RBFOX1: variants seen among roughly 807,000 people sequenced by gnomAD.
The protein encoded by RBFOX1 is RNA binding fox-1 homolog 1.
Under a neutral mutation model 57.7 loss-of-function variants are expected in RBFOX1, and 8 were observed. The ratio of observed to expected loss-of-function variants is 0.14; its 90% CI spans 0.08 to 0.25. The LOEUF (loss-of-function observed/expected upper bound fraction) is 0.25. Ranked by LOEUF, RBFOX1 falls within the 10% of genes least tolerant of loss-of-function variation. The pLI is 1.00. For synonymous variants in RBFOX1, 326 were observed against 222.4 expected, an observed-to-expected ratio of 1.47 and a Z score of -4.15; for missense variants, 611 against 548.5, an observed-to-expected ratio of 1.11 and a Z score of -1.14.
chr16:7,278,977 A>T (rs2095492026), intron 4 of RBFOX1, among the ~76,000 whole-genome samples: 1 of 151,940 alleles, frequency 6.6e-6, no homozygotes, highest in South Asian at 2.1e-4. Flanking sequence ...CTTAAAAAAT[A>T]TTTGATTATA....
At chr16:6,271,874 T>A (rs565945019) in intron 1 of RBFOX1, among the ~76,000 whole-genome samples, 1 of 152,230 alleles carries the variant, frequency 6.6e-6, no homozygotes, top group South Asian at 2.1e-4. Flanking sequence ...AGATTTAGAA[T>A]GAAGCATTAA....
chr16:7,218,903 C>T (rs1375240349), intron 4 of RBFOX1, among the ~76,000 whole-genome samples: 1 of 152,080 alleles, frequency 6.6e-6, no homozygotes, highest in East Asian at 1.9e-4. Context: ...TTAGCATGTT[C>T]AGCACAATCT....
chr16:6,249,731 G>A (rs1203660097), intron 1 of RBFOX1, among the ~76,000 whole-genome samples: 2 of 151,798 alleles, frequency 1.3e-5, no homozygotes, highest in Admixed American at 1.3e-4. Flanking sequence ...GAAAACACTG[G>A]GAAGGTTGAA....
intron 4 of RBFOX1, among the ~76,000 whole-genome samples, chr16:7,406,505 C>A (rs571353375): frequency 2.6e-5 from 4 of 152,080 alleles, no homozygotes; most frequent in Non-Finnish European, 5.9e-5. Context: ...AACCTACTTT[C>A]GAATCTTGCT....
chr16:6,454,482 G>C (rs191835294), intron 2 of RBFOX1, among the ~76,000 whole-genome samples: 2 of 152,070 alleles, frequency 1.3e-5, no homozygotes, highest in Non-Finnish European at 2.9e-5. Context: ...ACCTGAGCCT[G>C]GGGAGATCAA....
chr16:7,366,921 T>C (rs920860287), intron 4 of RBFOX1, among the ~76,000 whole-genome samples: 1 of 152,204 alleles, frequency 6.6e-6, no homozygotes, highest in Non-Finnish European at 1.5e-5. Context: ...ATCATTTAAT[T>C]TTGAGCATGT....
At chr16:5,926,897 C>A (rs1567156321) in intron 4 of RBFOX1, among the ~76,000 whole-genome samples, 1 of 152,164 alleles carries the variant, frequency 6.6e-6, no homozygotes, top group South Asian at 2.1e-4. Flanking sequence ...AGAGGAGGAA[C>A]TGAAGTTTAT....
chr16:7,271,166 A>C (rs956184337), intron 4 of RBFOX1, among the ~76,000 whole-genome samples: 3 of 152,168 alleles, frequency 2.0e-5, no homozygotes, highest in Admixed American at 6.5e-5. Flanking sequence ...CCATATTCTT[A>C]GTGTCCTTTT....
intron 2 of RBFOX1, among the ~76,000 whole-genome samples, chr16:6,565,110 G>A (rs2153933190): frequency 6.9e-6 from 1 of 144,248 alleles, no homozygotes; most frequent in East Asian, 2.1e-4. Flanking sequence ...CAGCCTGGGT[G>A]GGGAGACTCT....
chr16:5,312,380 A>C (rs2064114843), intron 1 of RBFOX1, among the ~76,000 whole-genome samples: 1 of 152,146 alleles, frequency 6.6e-6, no homozygotes, highest in African/African-American at 2.4e-5. Context: ...GTGCAGTGGC[A>C]CGTTCGTGGC....
At chr16:6,206,999 T>TTC (rs3064932) in intron 1 of RBFOX1, among the ~76,000 whole-genome samples, 1 of 151,332 alleles carries the variant, frequency 6.6e-6, no homozygotes, top group Non-Finnish European at 1.5e-5. Context: ...TTTTTTTTTT[T>TTC]CAGGTGCACT....
intron 4 of RBFOX1, among the ~76,000 whole-genome samples, chr16:5,996,544 G>A (rs2060493835): frequency 6.6e-6 from 1 of 151,868 alleles, no homozygotes; most frequent in African/African-American, 2.4e-5. Flanking sequence ...CTCAAATTAG[G>A]TAACTTGTAA....
At chr16:5,990,633 G>T (rs8048361) in intron 4 of RBFOX1, among the ~76,000 whole-genome samples, 1 of 152,056 alleles carries the variant, frequency 6.6e-6, no homozygotes, top group Non-Finnish European at 1.5e-5. Flanking sequence ...AAATAGTTGC[G>T]GTGTATGGGG....
In RBFOX1 at chr16:6,165,064, C is replaced by T. The variant is rs551856204; in HGVS notation, c.-127+145072C>T. On this transcript the variant is annotated intron_variant, in intron 1 of 15. Transcript: ENST00000550418. Reference sequence around the variant, plus strand: ...GCATTTGGATTCTGATTCTTTGAGGCGTGATTATGGTTTTGTCATTCACAG... The same window carrying T: ...GCATTTGGATTCTGATTCTTTGAGGTGTGATTATGGTTTTGTCATTCACAG... 8.5e-5 allele frequency among the ~76,000 whole-genome samples: 13 copies of T among 152,076 alleles called. No homozygotes were observed. In the East Asian group the frequency reaches 1.5e-3, roughly 18 times the overall value.
Position 7,710,565 on chromosome 16 carries a change from T to C in RBFOX1, c.1072-58T>C. On this transcript the variant is annotated intron_variant, in intron 15 of 15. Transcript: ENST00000550418. The stretch of plus-strand genomic sequence containing the variant: ...TTTTTCACATTAGTCTTTTTGATGA[T>C]CCACATGTTGCAAAAGGAAAATGTA... 4 of 1,607,122 alleles carry C rather than the reference T, an allele frequency of 2.5e-6. No individual in the cohort carries two copies. The African/African-American group carries it at 5.4e-5, about 22-fold the overall frequency.
chr16:6,991,653 C>T (rs187283663), intron 3 of RBFOX1, among the ~76,000 whole-genome samples: 1 of 152,146 alleles, frequency 6.6e-6, no homozygotes, highest in Non-Finnish European at 1.5e-5. Context: ...CCTCCTACCT[C>T]AGCTGTCCAA....
intron 3 of RBFOX1, among the ~76,000 whole-genome samples, chr16:6,700,141 A>G (rs1280502174): frequency 6.6e-6 from 1 of 152,048 alleles, no homozygotes; most frequent in Non-Finnish European, 1.5e-5. Context: ...CATTCCCCTA[A>G]GGTGATGTAT....
intron 2 of RBFOX1, among the ~76,000 whole-genome samples, chr16:6,350,669 C>A (rs1293885115): frequency 6.6e-6 from 1 of 152,096 alleles, no homozygotes; most frequent in Non-Finnish European, 1.5e-5. Flanking sequence ...ATAATCACCA[C>A]CCTCTTGTGA....
chr16:6,727,294 C>T (rs1375843521), intron 3 of RBFOX1, among the ~76,000 whole-genome samples: 1 of 151,810 alleles, frequency 6.6e-6, no homozygotes. Flanking sequence ...GCGTTTTTTG[C>T]CATTTCTTTC....
Sources: allele counts gnomAD v4.1 joint callset (sites outside exome capture counted in the v4.1 genomes callset), GRCh38; gene constraint gnomAD v4.1.1; transcripts MANE v1.5; gene names NCBI Gene and HGNC (gene_info 2026-07-23, HGNC 2026-07-21).